The following AP3S1 variants were observed in gnomAD, a reference collection of about 807,000 sequenced individuals.
AP3S1 encodes adaptor related protein complex 3 subunit sigma 1.
Under a neutral mutation model 21.3 loss-of-function variants are expected in AP3S1, and 12 were observed. The observed-to-expected ratio is 0.56, with a 90% confidence interval of 0.36 to 0.91. The LOEUF is 0.91. Ranked by LOEUF, AP3S1 falls within the 40% of genes least tolerant of loss-of-function variation. The pLI, the probability that AP3S1 is intolerant of heterozygous loss-of-function variation, is 0.01. For missense variants in AP3S1, 116 were observed against 225.0 expected, an observed-to-expected ratio of 0.52 and a Z score of 3.10; for synonymous variants, 48 against 78.4, an observed-to-expected ratio of 0.61 and a Z score of 2.05.
chr5:115,848,286 C>T (rs926668360), intron 1 of AP3S1, among the ~76,000 whole-genome samples: 7 of 151,926 alleles, frequency 4.6e-5, no homozygotes, highest in Admixed American at 3.9e-4. Context: ...TATTTCCCCC[C>T]GGTCTTTATT....
intron 2 of AP3S1, 60 bp downstream of exon 2, chr5:115,866,821 G>C: frequency 1.8e-6 from 2 of 1,096,330 alleles, no homozygotes; most frequent in Non-Finnish European, 2.6e-6. Context: ...AATATATACT[G>C]TTTAATCAGT....
chr5:115,907,189 C>T (rs1284822831), intron 5 of AP3S1, among the ~76,000 whole-genome samples: 7 of 152,256 alleles, frequency 4.6e-5, no homozygotes, highest in Middle Eastern at 3.4e-3. Flanking sequence ...TATATAAAAA[C>T]GTAAAATTTA....
intron 2 of AP3S1, among the ~76,000 whole-genome samples, chr5:115,868,904 A>ACAGAGAGAGAGG (rs1190312857): frequency 7.7e-6 from 1 of 130,656 alleles, no homozygotes; most frequent in East Asian, 2.6e-4. Context: ...AGAGAGAGAG[A>ACAGAGAGAGAGG]CAGAGAAAGA....
At chr5:115,855,422 T>G (rs1451119355) in intron 1 of AP3S1, among the ~76,000 whole-genome samples, 1 of 151,830 alleles carries the variant, frequency 6.6e-6, no homozygotes, top group East Asian at 1.9e-4. Flanking sequence ...CACTGCAGCC[T>G]TGATCTCCCT....
At chr5:115,901,292 C>T (rs991888642) in intron 4 of AP3S1, among the ~76,000 whole-genome samples, 5 of 151,666 alleles carry the variant, frequency 3.3e-5, no homozygotes, top group African/African-American at 1.2e-4. Context: ...AGCTGAGTAG[C>T]TTTGGATAAA....
chr5:115,847,754 C>T (rs756148177), intron 1 of AP3S1, among the ~76,000 whole-genome samples: 35 of 152,140 alleles, frequency 2.3e-4, no homozygotes, highest in South Asian at 8.3e-4. Context: ...ACATGTCTAT[C>T]ACCACTATTC....
At chr5:115,898,333 T>C (rs995788711) in intron 4 of AP3S1, among the ~76,000 whole-genome samples, 4 of 152,210 alleles carry the variant, frequency 2.6e-5, no homozygotes, top group African/African-American at 9.6e-5. Context: ...ACATTTTCTT[T>C]TATTGTGGTT....
chr5:115,842,242 G>A, intron 1 of AP3S1, 136 bp downstream of exon 1: 1 of 1,324,424 alleles, frequency 7.6e-7, no homozygotes, highest in Non-Finnish European at 1.0e-6. Context: ...GCGCTCGCCA[G>A]CTGTCAGCCT....
intron 1 of AP3S1, among the ~76,000 whole-genome samples, chr5:115,850,173 A>G (rs1024006566): frequency 6.6e-6 from 1 of 152,178 alleles, no homozygotes; most frequent in Non-Finnish European, 1.5e-5. Context: ...TGTCAGTCAC[A>G]GTTCTCTTTG....
chr5:115,878,297 T>A (rs901440271), intron 3 of AP3S1, among the ~76,000 whole-genome samples: 2 of 152,220 alleles, frequency 1.3e-5, no homozygotes, highest in Non-Finnish European at 2.9e-5. Flanking sequence ...CTGAATGGTA[T>A]TGCCTAGGTT....
chr5:115,881,151 C>T (rs1183129128), intron 3 of AP3S1, among the ~76,000 whole-genome samples: 1 of 152,056 alleles, frequency 6.6e-6, no homozygotes, highest in African/African-American at 2.4e-5. Context: ...ACCTTTTATC[C>T]AGTTTGCCCA....
intron 3 of AP3S1, among the ~76,000 whole-genome samples, chr5:115,889,201 A>G (rs564725752): frequency 3.5e-4 from 53 of 152,298 alleles, no homozygotes; most frequent in African/African-American, 1.2e-3. Flanking sequence ...ATGTAAGTGA[A>G]GGGGAACTAT....
intron 3 of AP3S1, among the ~76,000 whole-genome samples, chr5:115,888,747 TA>T (rs1319891200): frequency 6.6e-6 from 1 of 152,122 alleles, no homozygotes; most frequent in African/African-American, 2.4e-5. Flanking sequence ...TTTATATCAG[TA>T]TTTATCAGCA....
At chr5:115,853,662 T>A (rs1762603152) in intron 1 of AP3S1, among the ~76,000 whole-genome samples, 2 of 152,120 alleles carry the variant, frequency 1.3e-5, no homozygotes, top group South Asian at 4.1e-4. Flanking sequence ...GGGATCCAGT[T>A]TTATTCTTTT....
intron 1 of AP3S1, among the ~76,000 whole-genome samples, chr5:115,859,470 G>A (rs1030066522): frequency 1.2e-4 from 19 of 152,164 alleles, no homozygotes; most frequent in Non-Finnish European, 1.5e-5. Flanking sequence ...CTGATTTATA[G>A]CATTTGCTGA....
chr5:115,854,426 T>G (rs1302595071), intron 1 of AP3S1, among the ~76,000 whole-genome samples: 2 of 152,160 alleles, frequency 1.3e-5, no homozygotes, highest in East Asian at 3.9e-4. Flanking sequence ...CTTGGAGAGT[T>G]CTAATTAAGT....
chr5:115,907,467 G>C (rs1751745799), intron 5 of AP3S1, among the ~76,000 whole-genome samples: 1 of 152,064 alleles, frequency 6.6e-6, no homozygotes, highest in South Asian at 2.1e-4. Context: ...GTTTTGACCT[G>C]CAGGTGCATA....
At chr5:115,895,273 A>C (rs1750657471) in intron 4 of AP3S1, 115 bp downstream of exon 4, 1 of 726,020 alleles carries the variant, frequency 1.4e-6, no homozygotes, top group Non-Finnish European at 2.1e-6. Flanking sequence ...TATTCAATTC[A>C]TAATTTTTTT....
intron 5 of AP3S1, chr5:115,907,160 G>A (rs748634367): frequency 4.0e-6 from 1 of 252,314 alleles, no homozygotes. Context: ...TGCATTTGCA[G>A]AAGTGACAAT....
Sources: allele counts gnomAD v4.1 joint callset (sites outside exome capture counted in the v4.1 genomes callset), GRCh38; gene constraint gnomAD v4.1.1; transcripts MANE v1.5; gene names NCBI Gene and HGNC (gene_info 2026-07-23, HGNC 2026-07-21).